Variants in TBC1D14 observed in about 807,000 individuals in gnomAD.
TBC1D14 encodes the protein TBC1 domain family, member 14.
In TBC1D14, 26 loss-of-function variants were observed where a neutral mutation model predicts 79.0. That is an observed-to-expected ratio of 0.33 (90% CI 0.24 to 0.46). TBC1D14 has a LOEUF of 0.46. Ranked by LOEUF, TBC1D14 falls within the 20% of genes least tolerant of loss-of-function variation. The pLI, the probability that TBC1D14 is intolerant of heterozygous loss-of-function variation, is 1.00. For synonymous variants in TBC1D14, 394 were observed against 349.9 expected, an observed-to-expected ratio of 1.13 and a Z score of -1.40; for missense variants, 769 against 887.6, an observed-to-expected ratio of 0.87 and a Z score of 1.70.
intron 7 of TBC1D14, chr4:7,001,580 G>A (rs1403641952): frequency 3.7e-6 from 1 of 272,568 alleles, no homozygotes; most frequent in Admixed American, 4.9e-5. Flanking sequence ...GAAGGGGCAG[G>A]TGGTTCTTGC....
intron 11 of TBC1D14, among the ~76,000 whole-genome samples, chr4:7,012,027 A>G (rs955911297): frequency 4.6e-5 from 7 of 151,470 alleles, no homozygotes; most frequent in Non-Finnish European, 8.8e-5. Flanking sequence ...TTGGCCGGGC[A>G]TGGTGGCTTA....
intron 2 of TBC1D14, among the ~76,000 whole-genome samples, chr4:6,951,051 A>G (rs550718362): frequency 1.1e-4 from 16 of 152,320 alleles, no homozygotes; most frequent in African/African-American, 3.6e-4. Flanking sequence ...GCACTTTGGG[A>G]AACCAAGGCG....
At chr4:6,965,769 G>A (rs1020098188) in intron 2 of TBC1D14, among the ~76,000 whole-genome samples, 6 of 152,084 alleles carry the variant, frequency 3.9e-5, no homozygotes, top group Non-Finnish European at 7.4e-5. Flanking sequence ...TCAAACTCTT[G>A]GCCTCCTAAA....
At chr4:7,015,473 G>C (rs1721188778) in intron 12 of TBC1D14, among the ~76,000 whole-genome samples, 1 of 152,280 alleles carries the variant, frequency 6.6e-6, no homozygotes, top group South Asian at 2.1e-4. Context: ...ATTTTGAGGT[G>C]CCTGCGGGAC....
chr4:6,972,571 T>C (rs552939017), intron 3 of TBC1D14, among the ~76,000 whole-genome samples: 4 of 152,330 alleles, frequency 2.6e-5, no homozygotes, highest in African/African-American at 7.2e-5. Flanking sequence ...TGTCACCCTC[T>C]AGGGCAAGCT....
At chr4:6,987,255 C>A in intron 3 of TBC1D14, 1 of 1,272,944 alleles carries the variant, frequency 7.9e-7, no homozygotes, top group South Asian at 2.6e-5. Flanking sequence ...GTCCGCCCGC[C>A]CGCCCGCGGT....
chr4:6,960,363 A>G lies in TBC1D14; in HGVS notation c.723-6941A>G, dbSNP rs115981156. On this transcript the variant is annotated intron_variant, in intron 2 of 13. Transcript: ENST00000409757. ...CACCCCTGCCTCCCAACATGCTGGG[A>G]TAACAGATGTGAGCAACCATGCCTG... is the stretch of plus-strand genomic sequence containing the variant. 3.1e-3 allele frequency among the ~76,000 whole-genome samples: 475 copies of G among 151,636 alleles called. 1 individual carries two copies. Among genetic ancestry groups the G allele is most frequent in the African/African-American group, 0.011 (446 of 41,310 alleles).
rs1235670687 is a variant in TBC1D14, at chr4:7,027,755, A to G, written c.2016+2493A>G. On this transcript the variant is annotated intron_variant, in intron 13 of 13. Coordinates refer to ENST00000409757, the MANE Select transcript of TBC1D14 (RefSeq NM_020773.3). ...CCACACATCACACACCCACATACAC[A>G]ATCACCCCACACACATCACACATCC... Among the ~76,000 whole-genome samples the G allele has an allele frequency of 5.5e-5, 7 of 126,526 alleles. No individual in the cohort carries two copies. In the East Asian group the frequency reaches 1.8e-3, roughly 33 times the overall value. The allele number at this position is 126,526 out of a possible 152,430, so 83.0% of individuals were successfully genotyped here.
In TBC1D14 at chr4:7,030,438, C is replaced by T. The variant is rs374769038; in HGVS notation, c.*46C>T. On this transcript the variant is annotated 3_prime_UTR_variant, in exon 14 of 14. Transcript: ENST00000409757. ...CTCGGCACCAATCAGAGCCCCATGC[C>T]GCGGCCCCTCTGTTGTTTCAGACTG... 113 of 1,599,970 alleles carry T rather than the reference C, an allele frequency of 7.1e-5. 1 individual carries two copies. The African/African-American group carries it at 7.1e-4, about 10-fold the overall frequency.
chr4:6,987,523 C>T lies in TBC1D14; in HGVS notation c.844-6661C>T. The T allele has an allele frequency of 9.8e-6, 5 of 512,324 alleles. No homozygotes were observed. In the South Asian group the frequency reaches 3.0e-4, roughly 30 times the overall value. The allele number at this position is 512,324 out of a possible 1,614,324, so 31.7% of individuals were successfully genotyped here. ...CATCACGTGTATCTGTCCTCAACAGCCGAAGCTTGCTGTGCATGCTGCTGA... is the reference window on the plus strand; with the variant it reads ...CATCACGTGTATCTGTCCTCAACAGTCGAAGCTTGCTGTGCATGCTGCTGA... On this transcript the variant is annotated intron_variant, in intron 3 of 13. Coordinates refer to ENST00000409757, the MANE Select transcript of TBC1D14 (RefSeq NM_020773.3).
intron 2 of TBC1D14, among the ~76,000 whole-genome samples, chr4:6,953,860 C>T (rs1383974708): frequency 1.3e-5 from 2 of 149,984 alleles, no homozygotes; most frequent in Non-Finnish European, 2.9e-5. Context: ...ACTGCAGACG[C>T]TCAGGAAGCG....
At chr4:6,959,805 A>C (rs1227793694) in intron 2 of TBC1D14, among the ~76,000 whole-genome samples, 1 of 152,064 alleles carries the variant, frequency 6.6e-6, no homozygotes, top group Non-Finnish European at 1.5e-5. Flanking sequence ...CTTCCTACCT[A>C]ATGCAACAGG....
chr4:7,001,714 G>T lies in TBC1D14; in HGVS notation c.1270+463G>T, dbSNP rs1259083648. On this transcript the variant is annotated intron_variant, in intron 7 of 13. Coordinates refer to ENST00000409757, the MANE Select transcript of TBC1D14 (RefSeq NM_020773.3). ...TCCTTGGGGCTCTGGGAGTTTGTCT[G>T]CTGGGTGAGAACCATGCTCACCGAT... is the stretch of plus-strand genomic sequence containing the variant. Among the ~76,000 whole-genome samples the T allele has an allele frequency of 2.0e-5, 3 of 152,146 alleles. No individual in the cohort carries two copies. The South Asian group carries it at 6.2e-4, about 32-fold the overall frequency.
chr4:7,024,460 G>A (rs746747841), intron 12 of TBC1D14, among the ~76,000 whole-genome samples: 1 of 152,212 alleles, frequency 6.6e-6, no homozygotes, highest in African/African-American at 2.4e-5. Context: ...CAGACAGGGC[G>A]TTGGAATTCA....
chr4:6,971,524 A>G (rs1008959073), intron 3 of TBC1D14, among the ~76,000 whole-genome samples: 1 of 152,114 alleles, frequency 6.6e-6, no homozygotes, highest in Non-Finnish European at 1.5e-5. Context: ...ATCTTTTCAA[A>G]TTGCATAAAC....
chr4:6,965,349 C>T (rs1454916725), intron 2 of TBC1D14, among the ~76,000 whole-genome samples: 1 of 152,122 alleles, frequency 6.6e-6, no homozygotes, highest in Non-Finnish European at 1.5e-5. Flanking sequence ...TAATCTGAAA[C>T]AGTTCCTCAG....
intron 13 of TBC1D14, among the ~76,000 whole-genome samples, chr4:7,025,621 A>C (rs577992609): frequency 6.6e-6 from 1 of 152,272 alleles, no homozygotes; most frequent in African/African-American, 2.4e-5. Context: ...GACAGAAAGC[A>C]AAGTGGACCC....
chr4:6,987,356 C>T (rs1168734691), intron 3 of TBC1D14: 2 of 1,423,522 alleles, frequency 1.4e-6, no homozygotes, highest in Admixed American at 2.5e-5. Context: ...CATGGTGAGT[C>T]GGGGTGCGGG....
chr4:7,002,414 T>C (rs926903206), intron 7 of TBC1D14, among the ~76,000 whole-genome samples: 19 of 152,244 alleles, frequency 1.2e-4, no homozygotes, highest in African/African-American at 4.6e-4. Flanking sequence ...GTGTGTTTAA[T>C]TTTTGCTTCT....
Sources: gnomAD v4.1 joint callset for allele counts (sites outside exome capture counted in the v4.1 genomes callset) on GRCh38, gnomAD v4.1.1 for gene constraint, MANE v1.5 for transcripts, NCBI Gene and HGNC (gene_info 2026-07-23, HGNC 2026-07-21) for gene names.